Variants in KIF26B observed in about 807,000 individuals in gnomAD.
KIF26B encodes kinesin-like protein KIF26B.
Under a neutral mutation model 151.2 loss-of-function variants are expected in KIF26B, and 63 were observed. The ratio of observed to expected loss-of-function variants is 0.42; its 90% CI spans 0.34 to 0.51. KIF26B has a LOEUF of 0.51. KIF26B is among the 20% of genes least tolerant of loss of function. The probability of loss-of-function intolerance (pLI) is 0.07; values close to 1 mark genes in which losing one functional copy is unlikely to be tolerated. For synonymous variants in KIF26B, 1,357 were observed against 1,262.1 expected (o/e 1.08, Z -1.59); for missense variants, 2,813 against 2,913.6 (o/e 0.97, Z 0.79).
chr1:245,166,639 G>A lies in KIF26B; in HGVS notation c.465+9956G>A, dbSNP rs1419549947. Reference sequence around the variant, plus strand: ...AGAGCAGATTTCCTCCAGTGACTGCGCATGCGATGTGCAGATCTGAGCCGC... The same window carrying A: ...AGAGCAGATTTCCTCCAGTGACTGCACATGCGATGTGCAGATCTGAGCCGC... On this transcript the variant is annotated intron_variant, in intron 2 of 14. Coordinates refer to ENST00000407071, the MANE Select transcript of KIF26B (RefSeq NM_018012.4). The surrounding 1 kb of genome is among the most constrained non-coding windows in gnomAD (Gnocchi z 4.5). Among the ~76,000 whole-genome samples the A allele has an allele frequency of 2.0e-5, 3 of 152,330 alleles. No individual in the cohort carries two copies. Among genetic ancestry groups the A allele is most frequent in the Admixed American group, 6.5e-5 (1 of 15,304 alleles).
rs1015816135 is a variant in KIF26B at position 245,490,435 on chromosome 1, T to C, written c.1167-50332T>C. 9.3e-5 allele frequency among the ~76,000 whole-genome samples: 14 copies of C among 151,210 alleles called. 1 individual carries two copies. The highest frequency in any genetic ancestry group is 3.4e-4 in the African/African-American group (14 of 41,176). On this transcript the variant is annotated intron_variant, in intron 4 of 14. Transcript: ENST00000407071. ...CAAGTGATTCTCCTGCCTCAGCCTC[T>C]TGAGTACCTGGGACTACAGGCGCAC...
intron 4 of KIF26B, among the ~76,000 whole-genome samples, chr1:245,491,597 G>A (rs180858256): frequency 3.9e-5 from 6 of 152,214 alleles, no homozygotes; most frequent in South Asian, 2.1e-4. Flanking sequence ...GCTGTAAACT[G>A]GACAATGGAT....
At chr1:245,536,151 G>A (rs757682773) in intron 4 of KIF26B, among the ~76,000 whole-genome samples, 2 of 152,132 alleles carry the variant, frequency 1.3e-5, no homozygotes, top group Non-Finnish European at 2.9e-5. Flanking sequence ...AGCTTCACTT[G>A]TTTGTCTGTT....
chr1:245,670,540 G>A (rs1309331254), intron 10 of KIF26B, among the ~76,000 whole-genome samples: 2 of 147,954 alleles, frequency 1.4e-5, no homozygotes, highest in Non-Finnish European at 1.5e-5. Flanking sequence ...AAAAAAAAAA[G>A]AATTGAAAGC....
chr1:245,694,115 G>C (rs1411785160), intron 12 of KIF26B, among the ~76,000 whole-genome samples: 2 of 152,228 alleles, frequency 1.3e-5, no homozygotes, highest in Admixed American at 1.3e-4. Flanking sequence ...CCCAGGCTCG[G>C]CATCGAGGAG....
chr1:245,553,740 G>A (rs1315168040), intron 5 of KIF26B, among the ~76,000 whole-genome samples: 4 of 152,134 alleles, frequency 2.6e-5, no homozygotes, highest in Admixed American at 2.6e-4. Context: ...AAGCCAAGGC[G>A]GGGACAGCAC....
At chr1:245,164,596 T>C (rs1216314039) in intron 2 of KIF26B, among the ~76,000 whole-genome samples, 2 of 152,056 alleles carry the variant, frequency 1.3e-5, no homozygotes, top group African/African-American at 4.8e-5. Context: ...CCCCTACATA[T>C]GGGGAACTGA....
chr1:245,546,839 A>G (rs1172973142), intron 5 of KIF26B, among the ~76,000 whole-genome samples: 5 of 152,256 alleles, frequency 3.3e-5, no homozygotes, highest in Non-Finnish European at 7.3e-5. Flanking sequence ...TCTTCTGGGA[A>G]ATTAACTCAT....
intron 4 of KIF26B, among the ~76,000 whole-genome samples, chr1:245,463,239 A>C (rs1304371621): frequency 6.6e-6 from 1 of 152,132 alleles, no homozygotes; most frequent in Non-Finnish European, 1.5e-5. Context: ...GCCAATCCTC[A>C]CGTCAATCCC....
chr1:245,682,950 G>A (rs1002051083), intron 10 of KIF26B, among the ~76,000 whole-genome samples: 37 of 152,076 alleles, frequency 2.4e-4, no homozygotes, highest in African/African-American at 8.5e-4. Flanking sequence ...ACCTCGCCAC[G>A]TTCATCACTG....
chr1:245,619,620 A>AAAAG (rs1165858918), intron 9 of KIF26B, among the ~76,000 whole-genome samples: 1 of 151,066 alleles, frequency 6.6e-6, no homozygotes, highest in Non-Finnish European at 1.5e-5. Context: ...AAAAAAAAAA[A>AAAAG]AAGAATCTCT....
intron 2 of KIF26B, among the ~76,000 whole-genome samples, chr1:245,360,242 A>G (rs889896049): frequency 2.6e-5 from 4 of 152,144 alleles, no homozygotes; most frequent in African/African-American, 4.8e-5. Context: ...CTTCTTTATC[A>G]TCCTCTCTGT....
At chr1:245,364,449 ATGGAGTCTTGCTC>A (rs544767342) in intron 2 of KIF26B, among the ~76,000 whole-genome samples, 431 of 106,958 alleles carry the variant, frequency 4.0e-3, no homozygotes, top group Non-Finnish European at 6.2e-3. Context: ...TTTTTTTGAG[ATGGAGTCTTGCTC>A]TGTTGCCAGG....
chr1:245,558,753 G>A lies in KIF26B; in HGVS notation c.1350+17803G>A, dbSNP rs953518771. Among the ~76,000 whole-genome samples the A allele has an allele frequency of 2.6e-5, 4 of 152,314 alleles. No individual in the cohort carries two copies. In the South Asian group the frequency reaches 6.2e-4, roughly 24 times the overall value. On this transcript the variant is annotated intron_variant, in intron 5 of 14. Coordinates refer to ENST00000407071, the MANE Select transcript of KIF26B (RefSeq NM_018012.4). ...TTTACCTGGACAACATAACGTCGGG[G>A]AAAACTCATTTATTTGCAAAAGGCA...
chr1:245,210,414 C>T (rs1183181203), intron 2 of KIF26B, among the ~76,000 whole-genome samples: 2 of 151,776 alleles, frequency 1.3e-5, no homozygotes, highest in African/African-American at 4.8e-5. Flanking sequence ...ACTTTAATAT[C>T]CTAATCCTGA....
Position 245,702,415 on chromosome 1 carries a change from C to T in KIF26B, c.6179-43C>T, listed in dbSNP as rs2044784141. The T allele has an allele frequency of 6.2e-7, 1 of 1,609,774 alleles. No individual in the cohort carries two copies. Among genetic ancestry groups the T allele is most frequent in the Non-Finnish European group, 8.5e-7 (1 of 1,177,160 alleles). The stretch of plus-strand genomic sequence containing the variant: ...TGAGCCGTCGGGAGTTGCTTCTCAC[C>T]CTGTTTGCTCTGCGTCTCCATCAGG... On this transcript the variant is annotated intron_variant, in intron 14 of 14. Coordinates refer to ENST00000407071, the MANE Select transcript of KIF26B (RefSeq NM_018012.4). The surrounding 1 kb of genome is among the most constrained non-coding windows in gnomAD (Gnocchi z 4.1).
At chr1:245,440,003 C>T (rs530865449) in intron 4 of KIF26B, among the ~76,000 whole-genome samples, 20 of 152,296 alleles carry the variant, frequency 1.3e-4, no homozygotes, top group Non-Finnish European at 2.1e-4. Context: ...GGGCAGATCA[C>T]GAGGTGAGGA....
intron 5 of KIF26B, among the ~76,000 whole-genome samples, chr1:245,554,767 A>G (rs1661980021): frequency 6.6e-6 from 1 of 152,320 alleles, no homozygotes; most frequent in South Asian, 2.1e-4. Flanking sequence ...GGAAGGCTGC[A>G]CCTGTGTTTC....
At chr1:245,163,961 T>A (rs1668573053) in intron 2 of KIF26B, among the ~76,000 whole-genome samples, 1 of 152,206 alleles carries the variant, frequency 6.6e-6, no homozygotes, top group Non-Finnish European at 1.5e-5. Flanking sequence ...TCCTTTGCTA[T>A]TTTTATGCCT....
Sources: gnomAD v4.1 joint callset for allele counts (sites outside exome capture counted in the v4.1 genomes callset) on GRCh38, gnomAD v4.1.1 for gene constraint, Gnocchi (gnomAD v3.1) non-coding constraint, MANE v1.5 for transcripts, NCBI Gene and HGNC (gene_info 2026-07-23, HGNC 2026-07-21) for gene names.